ADGRL4: variants seen among roughly 807,000 people sequenced by gnomAD.
ADGRL4 encodes EGF, latrophilin and seven transmembrane domain containing 1.
In ADGRL4, 90 loss-of-function variants were observed where a neutral mutation model predicts 74.8. The ratio of observed to expected loss-of-function variants is 1.20; its 90% CI spans 1.02 to 1.43. ADGRL4 has a LOEUF of 1.43. Ranked by LOEUF, ADGRL4 falls within the 40% of genes most tolerant of loss-of-function variation. ADGRL4 has a pLI of 0.00. For missense variants in ADGRL4, 881 were observed against 814.3 expected, an observed-to-expected ratio of 1.08 and a Z score of -1.00; for synonymous variants, 311 against 279.2, an observed-to-expected ratio of 1.11 and a Z score of -1.14.
chr1:78,927,147 A>T, intron 7 of ADGRL4, 56 bp from the exon 8 acceptor site: 1 of 1,145,752 alleles, frequency 8.7e-7, no homozygotes, highest in Non-Finnish European at 1.3e-6. Context: ...GTGTATTTAG[A>T]CTCTTAAGAT....
chr1:78,900,179 C>A (rs746351180), intron 12 of ADGRL4, among the ~76,000 whole-genome samples: 5 of 152,000 alleles, frequency 3.3e-5, no homozygotes, highest in Admixed American at 3.3e-4. Flanking sequence ...GAGTAGGAGC[C>A]CCGTCTCACA....
intron 2 of ADGRL4, among the ~76,000 whole-genome samples, chr1:78,960,642 T>C (rs1336624595): frequency 6.6e-6 from 1 of 152,190 alleles, no homozygotes; most frequent in Non-Finnish European, 1.5e-5. Flanking sequence ...GGACTGCTGC[T>C]TGTGTTTTCC....
At chr1:78,932,298 G>T (rs1391365042) in intron 7 of ADGRL4, among the ~76,000 whole-genome samples, 2 of 151,424 alleles carry the variant, frequency 1.3e-5, no homozygotes, top group African/African-American at 4.9e-5. Context: ...TTACATGGAA[G>T]TTGAACAACC....
intron 8 of ADGRL4, among the ~76,000 whole-genome samples, chr1:78,922,426 A>C (rs1427852830): frequency 6.6e-6 from 1 of 152,012 alleles, no homozygotes; most frequent in Non-Finnish European, 1.5e-5. Flanking sequence ...GTTAGAGCAC[A>C]GTGAGTGAGG....
chr1:78,990,128 T>G (rs1650576316), intron 2 of ADGRL4, among the ~76,000 whole-genome samples: 1 of 151,964 alleles, frequency 6.6e-6, no homozygotes, highest in Non-Finnish European at 1.5e-5. Flanking sequence ...TCCATCATAG[T>G]GCTTCATCCT....
chr1:78,889,952 T>G lies in ADGRL4; in HGVS notation c.*1202A>C, dbSNP rs755120676. 1 of 333,304 alleles carries G rather than the reference T, an allele frequency of 3.0e-6. No individual in the cohort carries two copies. Among genetic ancestry groups the G allele is most frequent in the African/African-American group, 2.2e-5 (1 of 45,138 alleles). 20.6% of individuals were successfully genotyped at this position (333,304 alleles called of 1,614,324 possible). On this transcript the variant is annotated 3_prime_UTR_variant, in exon 15 of 15. Coordinates refer to ENST00000370742, the MANE Select transcript of ADGRL4 (RefSeq NM_022159.4). The stretch of plus-strand genomic sequence containing the variant: ...TTTAATGAGAAGATTTAAAGACAGA[T>G]AGAAGCTATATATTTAAGCAGATAT...
chr1:78,891,406 G>C, intron 14 of ADGRL4, 118 bp downstream of exon 14: 2 of 1,256,354 alleles, frequency 1.6e-6, no homozygotes, highest in Non-Finnish European at 2.2e-6. Flanking sequence ...TGAACAGCTA[G>C]GCGATTTAGG....
At chr1:78,955,688 T>A (rs552071045) in intron 2 of ADGRL4, among the ~76,000 whole-genome samples, 6 of 152,244 alleles carry the variant, frequency 3.9e-5, no homozygotes, top group African/African-American at 1.4e-4. Flanking sequence ...ATTCATTTTT[T>A]TCCTGATGTA....
intron 12 of ADGRL4, among the ~76,000 whole-genome samples, chr1:78,895,634 C>T (rs1648379970): frequency 6.6e-6 from 1 of 152,050 alleles, no homozygotes; most frequent in Non-Finnish European, 1.5e-5. Context: ...CAGAGAAAAA[C>T]AGCATAGGAA....
At chr1:78,954,611 G>T (rs1649793025) in intron 2 of ADGRL4, among the ~76,000 whole-genome samples, 1 of 151,854 alleles carries the variant, frequency 6.6e-6, no homozygotes, top group Non-Finnish European at 1.5e-5. Context: ...AATTTTAAAT[G>T]GAAACAACCT....
At chr1:78,943,660 C>T (rs186219661) in intron 3 of ADGRL4, among the ~76,000 whole-genome samples, 15 of 152,026 alleles carry the variant, frequency 9.9e-5, no homozygotes, top group South Asian at 8.3e-4. Flanking sequence ...GATATACTAA[C>T]GCAAAAGGGA....
intron 2 of ADGRL4, among the ~76,000 whole-genome samples, chr1:78,957,388 T>C (rs1649857846): frequency 6.6e-6 from 1 of 152,146 alleles, no homozygotes; most frequent in South Asian, 2.1e-4. Flanking sequence ...AACAGCCAAG[T>C]TGTGAATGCA....
At chr1:79,005,315 T>C in intron 1 of ADGRL4, 96 bp from the exon 2 acceptor site, 1 of 985,604 alleles carries the variant, frequency 1.0e-6, no homozygotes. Context: ...TTATCCTCTC[T>C]TTCTATTTAG....
In ADGRL4 at chr1:78,911,132, A is replaced by T. The variant is rs372273644; in HGVS notation, c.1749+6502T>A. 4.0e-5 allele frequency among the ~76,000 whole-genome samples: 6 copies of T among 151,840 alleles called. No homozygotes were observed. In the East Asian group the frequency reaches 9.7e-4, roughly 25 times the overall value. ...CAAACCAGGCAAGCCTCAGGGCTCC[A>T]TTCATAAAAATAAGCAAATACCATT... On this transcript the variant is annotated intron_variant, in intron 12 of 14. Coordinates refer to ENST00000370742, the MANE Select transcript of ADGRL4 (RefSeq NM_022159.4).
At chr1:78,909,084 T>TA (rs1403586451) in intron 12 of ADGRL4, among the ~76,000 whole-genome samples, 2 of 151,864 alleles carry the variant, frequency 1.3e-5, no homozygotes, top group African/African-American at 4.8e-5. Flanking sequence ...ATAATATGGA[T>TA]AAAGGTTAGA....
At chr1:78,992,527 T>C (rs985425684) in intron 2 of ADGRL4, among the ~76,000 whole-genome samples, 8 of 152,124 alleles carry the variant, frequency 5.3e-5, no homozygotes, top group Non-Finnish European at 1.2e-4. Flanking sequence ...GTGTTAGAGT[T>C]TGTTCCCTAT....
intron 2 of ADGRL4, among the ~76,000 whole-genome samples, chr1:78,953,414 T>A (rs1193423060): frequency 6.6e-6 from 1 of 151,942 alleles, no homozygotes; most frequent in Non-Finnish European, 1.5e-5. Flanking sequence ...AGCTCTCAGT[T>A]GCAAAAAAAA....
At chr1:78,969,438 T>G (rs1489164170) in intron 2 of ADGRL4, among the ~76,000 whole-genome samples, 1 of 152,170 alleles carries the variant, frequency 6.6e-6, no homozygotes, top group Non-Finnish European at 1.5e-5. Context: ...GAATATCACT[T>G]TCTAACAGGT....
At chr1:78,950,660 A>G (rs10157320) in intron 2 of ADGRL4, among the ~76,000 whole-genome samples, 104,732 of 151,904 alleles carry the variant, frequency 0.69, 36,176 homozygotes, top group East Asian at 0.77. Context: ...AACAGGTGAT[A>G]GCTACATGCA....
Sources: allele counts gnomAD v4.1 joint callset (sites outside exome capture counted in the v4.1 genomes callset), GRCh38; gene constraint gnomAD v4.1.1; transcripts MANE v1.5; gene names NCBI Gene and HGNC (gene_info 2026-07-23, HGNC 2026-07-21).